Variants in TNS3 observed in about 807,000 individuals in gnomAD.
The protein encoded by TNS3 is tensin-3.
Under a neutral mutation model 140.9 loss-of-function variants are expected in TNS3, and 45 were observed. That is an observed-to-expected ratio of 0.32 (90% CI 0.25 to 0.41). The LOEUF (loss-of-function observed/expected upper bound fraction) is 0.41. Among genes scored for constraint, TNS3 ranks in the 10% least tolerant of loss-of-function variants. The pLI is 1.00. For missense variants in TNS3, 1,716 were observed against 1,906.7 expected (o/e 0.90, Z 1.86); for synonymous variants, 815 against 788.4 (o/e 1.03, Z -0.56).
intron 2 of TNS3, among the ~76,000 whole-genome samples, chr7:47,510,163 G>A (rs1024834217): frequency 2.6e-5 from 4 of 152,208 alleles, no homozygotes; most frequent in Non-Finnish European, 4.4e-5. Context: ...TTCCAGGTCT[G>A]CTTTCAGAAG....
At chr7:47,493,487 A>G in intron 3 of TNS3, among the ~76,000 whole-genome samples, 1 of 152,120 alleles carries the variant, frequency 6.6e-6, no homozygotes, top group South Asian at 2.1e-4. Flanking sequence ...CACATGATGA[A>G]CAGTTTGGGT....
intron 1 of TNS3, among the ~76,000 whole-genome samples, chr7:47,530,552 G>T (rs979298446): frequency 6.6e-6 from 1 of 151,740 alleles, no homozygotes; most frequent in Non-Finnish European, 1.5e-5. Flanking sequence ...GGCCAGGCTC[G>T]GTGGCTCACA....
chr7:47,376,047 T>C (rs1356374833), intron 16 of TNS3, among the ~76,000 whole-genome samples: 2 of 152,214 alleles, frequency 1.3e-5, no homozygotes, highest in African/African-American at 4.8e-5. Context: ...ATTTTTTAGT[T>C]TCAAAGGAGA....
chr7:47,329,320 G>A (rs1368298403), intron 20 of TNS3, among the ~76,000 whole-genome samples: 1 of 152,154 alleles, frequency 6.6e-6, no homozygotes, highest in African/African-American at 2.4e-5. Context: ...GCTCTCCCTG[G>A]AAGAGCAGGT....
chr7:47,292,784 C>T, intron 26 of TNS3, 44 bp downstream of exon 26: 2 of 1,549,122 alleles, frequency 1.3e-6, no homozygotes, highest in South Asian at 1.2e-5. Flanking sequence ...GCCTTGACTG[C>T]AGACAATCTA....
chr7:47,536,157 G>T (rs747958565), intron 1 of TNS3, among the ~76,000 whole-genome samples: 1 of 152,202 alleles, frequency 6.6e-6, no homozygotes. Flanking sequence ...AGGCAGCAGC[G>T]TTTGACCACT....
intron 2 of TNS3, among the ~76,000 whole-genome samples, chr7:47,525,085 G>A (rs191140184): frequency 2.0e-4 from 31 of 152,336 alleles, no homozygotes; most frequent in Non-Finnish European, 3.4e-4. Flanking sequence ...CCCTGGAGTA[G>A]AGGAGCATTA....
chr7:47,311,963 G>A (rs911967303), intron 20 of TNS3, among the ~76,000 whole-genome samples: 2 of 152,246 alleles, frequency 1.3e-5, no homozygotes, highest in African/African-American at 4.8e-5. Flanking sequence ...ACCAATTTCC[G>A]CACTAATGTT....
chr7:47,334,911 C>A (rs1788547164), intron 20 of TNS3, among the ~76,000 whole-genome samples: 1 of 152,128 alleles, frequency 6.6e-6, no homozygotes, highest in Non-Finnish European at 1.5e-5. Context: ...CTGGCGAGAA[C>A]CACGACTTTT....
chr7:47,469,772 G>T (rs901296679), intron 4 of TNS3, among the ~76,000 whole-genome samples: 1 of 152,028 alleles, frequency 6.6e-6, no homozygotes, highest in Non-Finnish European at 1.5e-5. Flanking sequence ...TCAGGAGTTC[G>T]AGACCAGCCT....
At chr7:47,559,414 C>T (rs921082848) in intron 1 of TNS3, among the ~76,000 whole-genome samples, 3 of 152,084 alleles carry the variant, frequency 2.0e-5, no homozygotes, top group African/African-American at 7.2e-5. Flanking sequence ...ATAATGGGAG[C>T]GGGAGAATTC....
chr7:47,303,285 A>G lies in TNS3; in HGVS notation c.3122T>C (p.Leu1041Pro). ...CGGTGACGCTCCATGAGAATTGGCC[A>G]GCAAGGCCCCCAGGTCCTCCTCGGG... ...LPPEEDLGAL[L>P]ANSHGASPTP... is the part of the protein sequence containing the mutation. Residue 1041 changes from leucine to proline, a missense_variant, in exon 22 of 31, where the codon CTG becomes CCG. Leu to Pro is a moderately conservative substitution (Grantham distance 98, BLOSUM62 -3). Around this residue, in one of 3 missense-constraint regions of TNS3, gnomAD observed 1,163 missense variants for 1,182.1 expected, o/e 0.98. Coordinates refer to ENST00000311160, the MANE Select transcript of TNS3 (RefSeq NM_022748.12). 2 of 1,613,626 alleles carry G rather than the reference A, an allele frequency of 1.2e-6. No homozygotes were observed. Among genetic ancestry groups the G allele is most frequent in the South Asian group, 1.1e-5 (1 of 91,040 alleles).
At position 47,400,864 on chromosome 7, in the gene TNS3, G is replaced by T; in HGVS notation, c.774C>A (p.Phe258Leu). Residue 258 changes from phenylalanine (F) to leucine (L), a missense_variant, in exon 14 of 31, where the codon TTC becomes TTA. Coordinates refer to ENST00000311160, the MANE Select transcript of TNS3 (RefSeq NM_022748.12). ...CAGCCCCAGTGTGAAACTGCAGGCG[G>T]AAAATGACGTCACGGGTGGCCGAGC... Reference protein sequence around the residue: ...KYRSATRDVIFRLQFHTGAVQ... With the variant: ...KYRSATRDVILRLQFHTGAVQ... 1 of 1,614,270 alleles carries T rather than the reference G, an allele frequency of 6.2e-7. No homozygotes were observed. The highest frequency in any genetic ancestry group is 1.1e-5 in the South Asian group (1 of 91,088).
chr7:47,450,109 C>G lies in TNS3; in HGVS notation c.-75-8054G>C, dbSNP rs114045283. Among the ~76,000 whole-genome samples the G allele has an allele frequency of 7.0e-3, 1,070 of 152,298 alleles. 20 individuals carry two copies. The highest frequency in any genetic ancestry group is 0.024 in the African/African-American group (997 of 41,566). On this transcript the variant is annotated intron_variant, in intron 4 of 30. Coordinates refer to ENST00000311160, the MANE Select transcript of TNS3 (RefSeq NM_022748.12). Reference sequence around the variant, plus strand: ...TCTGTAGAATGAAGAAAGGAAGAAACGAACCACTAATCCCAAAGTGGCTGT... The same window carrying G: ...TCTGTAGAATGAAGAAAGGAAGAAAGGAACCACTAATCCCAAAGTGGCTGT...
intron 20 of TNS3, among the ~76,000 whole-genome samples, chr7:47,325,324 C>T (rs1353897776): frequency 2.0e-5 from 3 of 152,188 alleles, no homozygotes; most frequent in South Asian, 2.1e-4. Flanking sequence ...TTCCACTCCA[C>T]GTTTGTAAAA....
chr7:47,503,875 C>T (rs1798316409), intron 3 of TNS3, among the ~76,000 whole-genome samples: 2 of 152,102 alleles, frequency 1.3e-5, no homozygotes, highest in African/African-American at 4.8e-5. Context: ...CATGTATGCT[C>T]ATGGCAGAAG....
intron 1 of TNS3, among the ~76,000 whole-genome samples, chr7:47,572,725 A>T (rs1287870087): frequency 6.6e-6 from 1 of 152,022 alleles, no homozygotes; most frequent in East Asian, 1.9e-4. Flanking sequence ...AAAATACAAA[A>T]ATTAGCGGGG....
At chr7:47,349,559 G>A (rs540795145) in intron 17 of TNS3, among the ~76,000 whole-genome samples, 26 of 152,372 alleles carry the variant, frequency 1.7e-4, no homozygotes, top group Middle Eastern at 6.8e-3. Flanking sequence ...TGGATTCCAG[G>A]ATGTGGCCTG....
intron 17 of TNS3, among the ~76,000 whole-genome samples, chr7:47,359,518 C>T (rs1195009783): frequency 1.3e-5 from 2 of 152,142 alleles, no homozygotes; most frequent in South Asian, 2.1e-4. Flanking sequence ...CTGAACAGTA[C>T]ACTTAAAAAT....
Sources: gnomAD v4.1 joint callset for allele counts (sites outside exome capture counted in the v4.1 genomes callset) on GRCh38, gnomAD v4.1.1 for gene constraint, gnomAD v4.1.1 regional missense constraint, MANE v1.5 for transcripts, NCBI Gene and HGNC (gene_info 2026-07-23, HGNC 2026-07-21) for gene names.